Variants in LRRC59 observed in about 807,000 individuals in gnomAD.
LRRC59 encodes the protein leucine rich repeat containing 59.
In LRRC59, 18 loss-of-function variants were observed where a neutral mutation model predicts 33.5. The ratio of observed to expected loss-of-function variants is 0.54; its 90% CI spans 0.37 to 0.80. LRRC59 has a LOEUF of 0.80. Ranked by LOEUF, LRRC59 falls within the 30% of genes least tolerant of loss-of-function variation. The pLI, the probability that LRRC59 is intolerant of heterozygous loss-of-function variation, is 0.00. For synonymous variants in LRRC59, 138 were observed against 160.0 expected (o/e 0.86, Z 1.04); for missense variants, 330 against 391.9 (o/e 0.84, Z 1.33).
chr17:50,390,902 A>G (rs1914129954), intron 4 of LRRC59, among the ~76,000 whole-genome samples: 1 of 152,250 alleles, frequency 6.6e-6, no homozygotes, highest in Non-Finnish European at 1.5e-5. Flanking sequence ...TCTGAAAGAC[A>G]TATGCAAATA....
At chr17:50,397,093 C>G in intron 1 of LRRC59, 120 bp downstream of exon 1, 1 of 762,598 alleles carries the variant, frequency 1.3e-6, no homozygotes, top group Non-Finnish European at 2.0e-6. Context: ...AGTCCCACCA[C>G]CCCGCTTCTT....
chr17:50,390,099 A>G lies in LRRC59; in HGVS notation c.430-1967T>C, dbSNP rs1304914941. Among the ~76,000 whole-genome samples, 4 of 85,976 alleles carry G rather than the reference A, an allele frequency of 4.7e-5. No homozygotes were observed. In the East Asian group the frequency reaches 9.5e-4, roughly 20 times the overall value. 56.4% of individuals were successfully genotyped at this position (85,976 alleles called of 152,430 possible). A position where few individuals can be genotyped will look rare whatever the true frequency, so the allele number is the denominator to read the frequency against. ...GACGATAGAGCGTGACTCTGTCTCA[A>G]AAAAAAAAAAAAAAAAAGAAAAAGG... On this transcript the variant is annotated intron_variant, in intron 4 of 6. Transcript: ENST00000225972.
Position 50,397,064 on chromosome 17 carries a change from G to A in LRRC59, c.105+149C>T, listed in dbSNP as rs564801123. The A allele has an allele frequency of 5.9e-6, 3 of 510,514 alleles. No individual in the cohort carries two copies. In the East Asian group the frequency reaches 1.0e-4, roughly 18 times the overall value. The allele number at this position is 510,514 out of a possible 1,614,324, so 31.6% of individuals were successfully genotyped here. A position where few individuals can be genotyped will look rare whatever the true frequency, so the allele number is the denominator to read the frequency against. ...TCCCGGGAAGAACCTTGGGCTGGAC[G>A]CGGCCTCCTAGGGGACTTAGTCCCA... On this transcript the variant is annotated intron_variant, in intron 1 of 6. Coordinates refer to ENST00000225972, the MANE Select transcript of LRRC59 (RefSeq NM_018509.4).
intron 6 of LRRC59, 96 bp from the exon 7 acceptor site, chr17:50,383,331 A>G (rs1027874298): frequency 2.1e-6 from 3 of 1,418,888 alleles, no homozygotes; most frequent in Admixed American, 2.7e-5. Flanking sequence ...ATCTACCTAC[A>G]TTCCTTCCTC....
intron 5 of LRRC59, among the ~76,000 whole-genome samples, chr17:50,387,853 T>C (rs1271891938): frequency 6.6e-6 from 1 of 152,140 alleles, no homozygotes; most frequent in African/African-American, 2.4e-5. Context: ...ATATAAGCAG[T>C]TGACTGCCTC....
chr17:50,383,005 T>TCTGGAGGACCCA lies in LRRC59; in HGVS notation c.895_906dup (p.Trp299_Gln302dup), dbSNP rs761661372. The TCTGGAGGACCCA allele has an allele frequency of 6.2e-7, 1 of 1,612,816 alleles. No homozygotes were observed. Among genetic ancestry groups the TCTGGAGGACCCA allele is most frequent in the South Asian group, 1.1e-5 (1 of 90,934 alleles). On this transcript the variant is annotated inframe_insertion, in exon 7 of 7. Coordinates refer to ENST00000225972, the MANE Select transcript of LRRC59 (RefSeq NM_018509.4). ...GGACAAGCTCACTGCTGAGAGTCGG[T>TCTGGAGGACCCA]CTGGAGGACCCACTGGAGGATCTCA...
rs1914307267 is a variant in LRRC59 at position 50,397,427 on chromosome 17, C to T, written c.-110G>A. The T allele has an allele frequency of 1.3e-6, 1 of 743,180 alleles. No individual in the cohort carries two copies. The highest frequency in any genetic ancestry group is 2.0e-6 in the Non-Finnish European group (1 of 495,674). The allele number at this position is 743,180 out of a possible 1,614,324, so 46.0% of individuals were successfully genotyped here. ...CCACCCAAACGACGACGCCTGAGCCCTCCGTCGCCGCCGATGCGAGACCGC... is the reference window on the plus strand; with the variant it reads ...CCACCCAAACGACGACGCCTGAGCCTTCCGTCGCCGCCGATGCGAGACCGC... On this transcript the variant is annotated 5_prime_UTR_variant, in exon 1 of 7. Coordinates refer to ENST00000225972, the MANE Select transcript of LRRC59 (RefSeq NM_018509.4).
At chr17:50,393,098 G>A (rs1166006438) in intron 2 of LRRC59, among the ~76,000 whole-genome samples, 1 of 152,090 alleles carries the variant, frequency 6.6e-6, no homozygotes, top group Non-Finnish European at 1.5e-5. Flanking sequence ...CCACAAGATT[G>A]GAAACTCCTC....
Position 50,381,292 on chromosome 17 carries a change from T to C in LRRC59, c.*1696A>G, listed in dbSNP as rs1407640218. 1 of 232,112 alleles carries C rather than the reference T, an allele frequency of 4.3e-6. No individual in the cohort carries two copies. 14.4% of individuals were successfully genotyped at this position (232,112 alleles called of 1,614,324 possible). A position where few individuals can be genotyped will look rare whatever the true frequency, so the allele number is the denominator to read the frequency against. On this transcript the variant is annotated 3_prime_UTR_variant, in exon 7 of 7. Transcript: ENST00000225972. ...GAAATCCAAAAGAATTAGCATCAAA[T>C]CTTGAAGTCGTGAGTGAAGCTGCGG...
At chr17:50,385,893 A>T (rs1390017440) in intron 5 of LRRC59, among the ~76,000 whole-genome samples, 1 of 151,994 alleles carries the variant, frequency 6.6e-6, no homozygotes, top group Non-Finnish European at 1.5e-5. Context: ...GACTGTCTAT[A>T]AAAAAACGAA....
At position 50,381,291 on chromosome 17, in the gene LRRC59, A is replaced by C; in HGVS notation, c.*1697T>G. On this transcript the variant is annotated 3_prime_UTR_variant, in exon 7 of 7. Coordinates refer to ENST00000225972, the MANE Select transcript of LRRC59 (RefSeq NM_018509.4). ...AGAAATCCAAAAGAATTAGCATCAAATCTTGAAGTCGTGAGTGAAGCTGCG... is the reference window on the plus strand; with the variant it reads ...AGAAATCCAAAAGAATTAGCATCAACTCTTGAAGTCGTGAGTGAAGCTGCG... 8.6e-6 allele frequency: 2 copies of C among 232,170 alleles called. No homozygotes were observed. Among genetic ancestry groups the C allele is most frequent in the African/African-American group, 2.2e-5 (1 of 44,650 alleles). 14.4% of individuals were successfully genotyped at this position (232,170 alleles called of 1,614,324 possible).
chr17:50,395,203 A>G (rs1257448794), intron 1 of LRRC59, among the ~76,000 whole-genome samples: 1 of 152,038 alleles, frequency 6.6e-6, no homozygotes, highest in African/African-American at 2.4e-5. Flanking sequence ...TGGCTGTACA[A>G]CCTCCAAGAA....
chr17:50,392,087 C>G (rs1212962504), intron 4 of LRRC59, among the ~76,000 whole-genome samples: 1 of 152,188 alleles, frequency 6.6e-6, no homozygotes, highest in Non-Finnish European at 1.5e-5. Context: ...GTAATCTCAG[C>G]TACTCGGGAG....
intron 4 of LRRC59, among the ~76,000 whole-genome samples, chr17:50,388,723 C>T (rs970896793): frequency 2.0e-5 from 3 of 151,256 alleles, no homozygotes; most frequent in Non-Finnish European, 2.9e-5. Flanking sequence ...CATTTACACT[C>T]ACTGTCACAT....
intron 1 of LRRC59, among the ~76,000 whole-genome samples, chr17:50,395,368 A>AG (rs1914247076): frequency 6.6e-6 from 1 of 151,698 alleles, no homozygotes; most frequent in Non-Finnish European, 1.5e-5. Flanking sequence ...AAAAAAAAAA[A>AG]AAAGAAAGGA....
chr17:50,392,659 A>C, intron 3 of LRRC59, 80 bp downstream of exon 3: 1 of 1,572,146 alleles, frequency 6.4e-7, no homozygotes, highest in Non-Finnish European at 8.7e-7. Flanking sequence ...TATTTCTGTC[A>C]GCCTTTCTCA....
At position 50,382,843 on chromosome 17, in the gene LRRC59, C is replaced by T. The variant is rs1045018102; in HGVS notation, c.*145G>A. On this transcript the variant is annotated 3_prime_UTR_variant, in exon 7 of 7. Coordinates refer to ENST00000225972, the MANE Select transcript of LRRC59 (RefSeq NM_018509.4). ...CTGACTAAGGAATGAAGAAGTCCTA[C>T]AAAGAGGAGGTCTCATGTACCAATC... is the stretch of plus-strand genomic sequence containing the variant. 9 of 965,676 alleles carry T rather than the reference C, an allele frequency of 9.3e-6. No homozygotes were observed. The African/African-American group carries it at 1.0e-4, about 11-fold the overall frequency. The allele number at this position is 965,676 out of a possible 1,614,324, so 59.8% of individuals were successfully genotyped here.
intron 6 of LRRC59, among the ~76,000 whole-genome samples, chr17:50,383,865 A>G (rs1276099831): frequency 6.6e-6 from 1 of 151,892 alleles, no homozygotes; most frequent in Non-Finnish European, 1.5e-5. Flanking sequence ...CCACAATGCC[A>G]GGAACTGCAT....
rs535330081 is a variant in LRRC59 at position 50,394,855 on chromosome 17, C to G, written c.165+74G>C. The G allele has an allele frequency of 4.8e-5, 51 of 1,071,652 alleles. 1 individual carries two copies. Among genetic ancestry groups the G allele is most frequent in the Admixed American group, 7.5e-5 (4 of 53,106 alleles). The allele number at this position is 1,071,652 out of a possible 1,614,324, so 66.4% of individuals were successfully genotyped here. ...ACACCTTATGACACCCTCCCACCCCCCTCTCAACCCCCGAAACAGGAAGGA... is the reference window on the plus strand; with the variant it reads ...ACACCTTATGACACCCTCCCACCCCGCTCTCAACCCCCGAAACAGGAAGGA... On this transcript the variant is annotated intron_variant, in intron 2 of 6. Coordinates refer to ENST00000225972, the MANE Select transcript of LRRC59 (RefSeq NM_018509.4).
Sources: gnomAD v4.1 joint callset for allele counts (sites outside exome capture counted in the v4.1 genomes callset) on GRCh38, gnomAD v4.1.1 for gene constraint, MANE v1.5 for transcripts, NCBI Gene and HGNC (gene_info 2026-07-23, HGNC 2026-07-21) for gene names.